The following CACNB4 variants were observed in gnomAD, a reference collection of about 807,000 sequenced individuals.
CACNB4 encodes calcium voltage-gated channel auxiliary subunit beta 4, also known as voltage-dependent L-type calcium channel subunit beta-4.
In CACNB4, 32 loss-of-function variants were observed where a neutral mutation model predicts 71.2. The ratio of observed to expected loss-of-function variants is 0.45; its 90% CI spans 0.34 to 0.60. CACNB4 has a LOEUF of 0.60. Ranked by LOEUF, CACNB4 falls within the 20% of genes least tolerant of loss-of-function variation. The probability of loss-of-function intolerance (pLI) is 0.01; values close to 1 mark genes in which losing one functional copy is unlikely to be tolerated. For missense variants in CACNB4, 464 were observed against 647.9 expected (o/e 0.72, Z 3.08); for synonymous variants, 231 against 236.9 (o/e 0.97, Z 0.23).
At chr2:151,990,422 A>G (rs1165325394) in intron 2 of CACNB4, among the ~76,000 whole-genome samples, 1 of 152,142 alleles carries the variant, frequency 6.6e-6, no homozygotes, top group Non-Finnish European at 1.5e-5. Flanking sequence ...AACCCTCTCC[A>G]GTTAGAGATT....
intron 9 of CACNB4, 191 bp from the exon 10 acceptor site, chr2:151,861,011 G>T (rs2099841503): frequency 3.6e-6 from 2 of 552,738 alleles, no homozygotes; most frequent in African/African-American, 1.9e-5. Flanking sequence ...AATGGAGGAA[G>T]GTTTAAACTG....
At chr2:152,049,859 A>C (rs963560284) in intron 2 of CACNB4, among the ~76,000 whole-genome samples, 1 of 152,266 alleles carries the variant, frequency 6.6e-6, no homozygotes, top group African/African-American at 2.4e-5. Flanking sequence ...AGAGCGTTCA[A>C]GTTAAGACCA....
At chr2:152,095,124 T>C (rs1688195389) in intron 2 of CACNB4, among the ~76,000 whole-genome samples, 1 of 152,226 alleles carries the variant, frequency 6.6e-6, no homozygotes. Flanking sequence ...ATTTGCTCCC[T>C]GGATTCATTC....
chr2:152,048,138 G>A (rs1466727369), intron 2 of CACNB4, among the ~76,000 whole-genome samples: 1 of 152,120 alleles, frequency 6.6e-6, no homozygotes, highest in Non-Finnish European at 1.5e-5. Flanking sequence ...ATGGTGGGCT[G>A]TCTGTGCATT....
At chr2:152,044,406 G>C (rs1361802188) in intron 2 of CACNB4, among the ~76,000 whole-genome samples, 3 of 152,116 alleles carry the variant, frequency 2.0e-5, no homozygotes, top group Non-Finnish European at 2.9e-5. Flanking sequence ...TTTTAGTAGA[G>C]ATGGGGTTTC....
intron 12 of CACNB4, among the ~76,000 whole-genome samples, chr2:151,842,428 T>C (rs2099836460): frequency 6.7e-6 from 1 of 149,464 alleles, no homozygotes; most frequent in Non-Finnish European, 1.5e-5. Flanking sequence ...TCCACTGAGT[T>C]CAAGCAATTC....
At chr2:151,992,598 G>A (rs1681772210) in intron 2 of CACNB4, among the ~76,000 whole-genome samples, 1 of 152,176 alleles carries the variant, frequency 6.6e-6, no homozygotes, top group Admixed American at 6.5e-5. Flanking sequence ...TAAATGGCGT[G>A]GCTGTTGCAT....
intron 2 of CACNB4, among the ~76,000 whole-genome samples, chr2:151,963,538 A>AAC (rs2099870212): frequency 6.6e-6 from 1 of 152,210 alleles, no homozygotes. Flanking sequence ...TGGAGGTCAT[A>AAC]TCCTAAAGTT....
intron 2 of CACNB4, among the ~76,000 whole-genome samples, chr2:152,035,630 C>CTTCTCT (rs1553818021): frequency 1.1e-5 from 1 of 93,290 alleles, no homozygotes; most frequent in African/African-American, 4.4e-5. Flanking sequence ...CCTCCCTCTC[C>CTTCTCT]CTCTCTCTCT....
At chr2:151,895,872 T>C (rs1252907231) in intron 2 of CACNB4, among the ~76,000 whole-genome samples, 1 of 151,706 alleles carries the variant, frequency 6.6e-6, no homozygotes, top group African/African-American at 2.4e-5. Flanking sequence ...AGATGGAGTT[T>C]CGCTCTTGTC....
intron 2 of CACNB4, among the ~76,000 whole-genome samples, chr2:151,958,225 T>C (rs920509734): frequency 2.0e-5 from 3 of 152,174 alleles, no homozygotes; most frequent in Non-Finnish European, 4.4e-5. Context: ...ATATTTAATG[T>C]AAAAGGATAA....
At chr2:151,928,198 T>C (rs1469121177) in intron 2 of CACNB4, among the ~76,000 whole-genome samples, 3 of 152,234 alleles carry the variant, frequency 2.0e-5, no homozygotes, top group Non-Finnish European at 2.9e-5. Context: ...AAGCAAATGA[T>C]AGTCATGTAT....
At chr2:152,026,156 C>A (rs1481688416) in intron 2 of CACNB4, among the ~76,000 whole-genome samples, 1 of 152,202 alleles carries the variant, frequency 6.6e-6, no homozygotes, top group Non-Finnish European at 1.5e-5. Context: ...TTCACACACT[C>A]TGCCTTTTCT....
intron 2 of CACNB4, among the ~76,000 whole-genome samples, chr2:152,070,400 T>A (rs1480578952): frequency 6.6e-6 from 1 of 152,096 alleles, no homozygotes; most frequent in Non-Finnish European, 1.5e-5. Context: ...TGGTTTGGGG[T>A]TGTAATTCTT....
intron 12 of CACNB4, 55 bp downstream of exon 12, chr2:151,853,393 C>A (rs1454274641): frequency 6.0e-6 from 6 of 991,778 alleles, no homozygotes; most frequent in Admixed American, 3.0e-5. Context: ...GAAAAAAAAA[C>A]CCACCCTCTT....
chr2:151,899,818 C>A (rs557653398), intron 2 of CACNB4, among the ~76,000 whole-genome samples: 1 of 152,102 alleles, frequency 6.6e-6, no homozygotes, highest in Non-Finnish European at 1.5e-5. Context: ...ATGTATGAGG[C>A]CTGTACCTTA....
chr2:151,932,558 TATAAAG>T (rs1002820455), intron 2 of CACNB4, among the ~76,000 whole-genome samples: 5 of 152,102 alleles, frequency 3.3e-5, no homozygotes, highest in East Asian at 1.9e-4. Context: ...ACAGGGTCCC[TATAAAG>T]ATAATCAGTG....
intron 2 of CACNB4, among the ~76,000 whole-genome samples, chr2:152,042,256 C>T (rs1408885793): frequency 1.3e-5 from 2 of 152,222 alleles, no homozygotes; most frequent in African/African-American, 4.8e-5. Flanking sequence ...AGGCCTCAAA[C>T]AGCATCTTGC....
At chr2:151,981,114 T>C (rs983496355) in intron 2 of CACNB4, among the ~76,000 whole-genome samples, 1 of 152,138 alleles carries the variant, frequency 6.6e-6, no homozygotes, top group African/African-American at 2.4e-5. Context: ...TCTCCCATAC[T>C]TCCATAACAC....
Sources: gnomAD v4.1 joint callset for allele counts (sites outside exome capture counted in the v4.1 genomes callset) on GRCh38, gnomAD v4.1.1 for gene constraint, MANE v1.5 for transcripts, NCBI Gene and HGNC (gene_info 2026-07-23, HGNC 2026-07-21) for gene names.